Variants in RCN3 observed in about 807,000 individuals in gnomAD.
The protein encoded by RCN3 is reticulocalbin 3.
In RCN3, 41 loss-of-function variants were observed where a neutral mutation model predicts 35.9. The ratio of observed to expected loss-of-function variants is 1.14; its 90% CI spans 0.89 to 1.48. RCN3 has a LOEUF of 1.48. RCN3 is among the 40% of genes most tolerant of loss of function. The pLI is 0.00. For missense variants in RCN3, 451 were observed against 471.3 expected, an observed-to-expected ratio of 0.96 and a Z score of 0.40; for synonymous variants, 187 against 193.4, an observed-to-expected ratio of 0.97 and a Z score of 0.27.
chr19:49,534,289 C>T lies in RCN3; in HGVS notation c.339C>T (p.His113=), dbSNP rs537657708. The T allele has an allele frequency of 1.8e-5, 27 of 1,481,986 alleles. No individual in the cohort carries two copies. In the South Asian group the frequency reaches 3.1e-4, roughly 17 times the overall value. 91.8% of individuals were successfully genotyped at this position (1,481,986 alleles called of 1,614,324 possible). A position where few individuals can be genotyped will look rare whatever the true frequency, so the allele number is the denominator to read the frequency against. ...RAWIAHTQQR[H]IRDSVSAAWD... is the part of the protein sequence containing the mutation. ...GGATCGCGCACACGCAGCAGCGGCA[C>T]ATACGGGACTCGGTGAGCGCGGCCT... Residue 113 remains histidine (H), a synonymous_variant, in exon 3 of 7, where the codon CAC becomes CAT. Transcript: ENST00000270645.
In RCN3 at chr19:49,543,506, A is replaced by C; in HGVS notation, c.*293A>C. On this transcript the variant is annotated 3_prime_UTR_variant, in exon 7 of 7. Transcript: ENST00000270645. ...AAGCTCAGCTCTAAGAACCGCCCCA[A>C]CCCCTCCAGCTCCAAATCTGAGCCT... 7.2e-6 allele frequency: 3 copies of C among 417,782 alleles called. No homozygotes were observed. Among genetic ancestry groups the C allele is most frequent in the Non-Finnish European group, 1.3e-5 (3 of 224,974 alleles). The allele number at this position is 417,782 out of a possible 1,614,324, so 25.9% of individuals were successfully genotyped here. A position where few individuals can be genotyped will look rare whatever the true frequency, so the allele number is the denominator to read the frequency against.
intron 2 of RCN3, among the ~76,000 whole-genome samples, chr19:49,530,547 A>G (rs907519510): frequency 2.0e-4 from 27 of 133,480 alleles, no homozygotes; most frequent in Middle Eastern, 4.6e-3. Flanking sequence ...CCCAGGCTGG[A>G]GTGCAGTGGC....
chr19:49,538,674 A>G (rs1385881825), intron 4 of RCN3, among the ~76,000 whole-genome samples: 1 of 152,176 alleles, frequency 6.6e-6, no homozygotes, highest in African/African-American at 2.4e-5. Context: ...TTGCTCCAGA[A>G]GGGCACAAAA....
chr19:49,539,964 C>T (rs1288265492), intron 5 of RCN3, among the ~76,000 whole-genome samples: 1 of 152,102 alleles, frequency 6.6e-6, no homozygotes, highest in African/African-American at 2.4e-5. Flanking sequence ...CTCAGGTGAT[C>T]TGCTCATCTT....
At chr19:49,542,158 A>T (rs2122742676) in intron 5 of RCN3, among the ~76,000 whole-genome samples, 2 of 152,092 alleles carry the variant, frequency 1.3e-5, no homozygotes, top group South Asian at 4.2e-4. Flanking sequence ...TGGGTCTCCC[A>T]AAGTGTTGGA....
Position 49,543,490 on chromosome 19 carries a change from T to C in RCN3, c.*277T>C. 2.1e-6 allele frequency: 1 copy of C among 472,130 alleles called. No homozygotes were observed. The highest frequency in any genetic ancestry group is 3.9e-6 in the Non-Finnish European group (1 of 258,596). 29.2% of individuals were successfully genotyped at this position (472,130 alleles called of 1,614,324 possible). On this transcript the variant is annotated 3_prime_UTR_variant, in exon 7 of 7. Transcript: ENST00000270645. Reference sequence around the variant, plus strand: ...AGGGACCCTTGGCCCCAAGCTCAGCTCTAAGAACCGCCCCAACCCCTCCAG... The same window carrying C: ...AGGGACCCTTGGCCCCAAGCTCAGCCCTAAGAACCGCCCCAACCCCTCCAG...
intron 1 of RCN3, 157 bp downstream of exon 1, chr19:49,528,215 G>A (rs1312526679): frequency 2.3e-6 from 1 of 426,548 alleles, no homozygotes; most frequent in Non-Finnish European, 4.1e-6. Flanking sequence ...GTCTGTCTCT[G>A]TAATTCCCCC....
intron 3 of RCN3, among the ~76,000 whole-genome samples, chr19:49,536,007 A>T (rs1423840110): frequency 3.5e-5 from 5 of 143,736 alleles, no homozygotes; most frequent in Middle Eastern, 7.4e-3. Flanking sequence ...TTTTTTTGTG[A>T]GGGAGTTTTG....
chr19:49,539,206 G>T lies in RCN3; in HGVS notation c.679+27G>T, dbSNP rs200704751. 249 of 1,590,374 alleles carry T rather than the reference G, an allele frequency of 1.6e-4. No homozygotes were observed. The highest frequency in any genetic ancestry group is 1.6e-4 in the Non-Finnish European group (181 of 1,164,206). ...TGAGTGGGCCCCAATTTCTTCTTGG[G>T]ATGCCTGTCCTCTCTCAGGCATGGG... On this transcript the variant is annotated intron_variant, in intron 5 of 6. Coordinates refer to ENST00000270645, the MANE Select transcript of RCN3 (RefSeq NM_020650.3).
chr19:49,528,306 C>T (rs1308786408), intron 1 of RCN3, 161 bp from the exon 2 acceptor site: 6 of 619,608 alleles, frequency 9.7e-6, no homozygotes, highest in Admixed American at 3.1e-5. Flanking sequence ...AGCATCCCGC[C>T]CTCTTTTCCC....
chr19:49,530,416 C>T (rs1047809542), intron 2 of RCN3, among the ~76,000 whole-genome samples: 3 of 151,610 alleles, frequency 2.0e-5, no homozygotes, highest in African/African-American at 7.3e-5. Flanking sequence ...GGCAATCCGC[C>T]CGCCTTGGCC....
rs1293229982 is a variant in RCN3, at chr19:49,531,379, A to C, written c.242+2665A>C. ...TGCAATCCCAGCACTTTGGGAGTCC[A>C]AAGCGGGCGGATTGCCTGAGACCAT... On this transcript the variant is annotated intron_variant, in intron 2 of 6. Coordinates refer to ENST00000270645, the MANE Select transcript of RCN3 (RefSeq NM_020650.3). Among the ~76,000 whole-genome samples, 5 of 152,324 alleles carry C rather than the reference A, an allele frequency of 3.3e-5. No homozygotes were observed. The East Asian group carries it at 9.7e-4, about 29-fold the overall frequency.
At chr19:49,532,100 C>CTTTTTTTTT (rs925920521) in intron 2 of RCN3, among the ~76,000 whole-genome samples, 29 of 93,060 alleles carry the variant, frequency 3.1e-4, no homozygotes, top group African/African-American at 8.8e-4. Context: ...GGCGCCTGGC[C>CTTTTTTTTT]TTTTTTTTTT....
At position 49,539,250 on chromosome 19, in the gene RCN3, C is replaced by A; in HGVS notation, c.679+71C>A. On this transcript the variant is annotated intron_variant, in intron 5 of 6. Transcript: ENST00000270645. ...GCATGGGCAGGGTTGGTGGGGGTAG[C>A]CGGAGGTACATCACCCATCATCAGA... The A allele has an allele frequency of 4.0e-6, 5 of 1,252,632 alleles. No individual in the cohort carries two copies. In the South Asian group the frequency reaches 5.3e-5, roughly 13 times the overall value. 77.6% of individuals were successfully genotyped at this position (1,252,632 alleles called of 1,614,324 possible). A position where few individuals can be genotyped will look rare whatever the true frequency, so the allele number is the denominator to read the frequency against.
At chr19:49,534,659 C>CT (rs1202926274) in intron 3 of RCN3, among the ~76,000 whole-genome samples, 3 of 152,100 alleles carry the variant, frequency 2.0e-5, no homozygotes, top group Non-Finnish European at 4.4e-5. Flanking sequence ...CAATTAGGTG[C>CT]TAAAAGCCAC....
At position 49,542,518 on chromosome 19, in the gene RCN3, GC is replaced by G. The variant is rs1371004515; in HGVS notation, c.680-31del. On this transcript the variant is annotated intron_variant, in intron 5 of 6. Transcript: ENST00000270645. The stretch of plus-strand genomic sequence containing the variant: ...CCAGCTCCACTAGACCCCCAGAGCT[GC>G]CCCTGACCTTGTCCCCTCTGTCCCG... 5 of 1,516,382 alleles carry G rather than the reference GC, an allele frequency of 3.3e-6. No individual in the cohort carries two copies. The African/African-American group carries it at 5.5e-5, about 17-fold the overall frequency. The allele number at this position is 1,516,382 out of a possible 1,614,324, so 93.9% of individuals were successfully genotyped here.
chr19:49,534,413 G>A lies in RCN3; in HGVS notation c.445+18G>A. The A allele has an allele frequency of 2.6e-6, 4 of 1,536,510 alleles. No homozygotes were observed. The highest frequency in any genetic ancestry group is 3.5e-6 in the Non-Finnish European group (4 of 1,144,938). ...CGCGCCCGGTACGCGGCGAGCCCCC[G>A]ACCCTGCTCCCCATACACCGTGACC... On this transcript the variant is annotated intron_variant, in intron 3 of 6. Coordinates refer to ENST00000270645, the MANE Select transcript of RCN3 (RefSeq NM_020650.3).
chr19:49,539,085 C>A, intron 4 of RCN3, 34 bp from the exon 5 acceptor site: 1 of 1,530,452 alleles, frequency 6.5e-7, no homozygotes, highest in Non-Finnish European at 8.8e-7. Flanking sequence ...CCAGGGTCAT[C>A]GGCCCCCAGC....
chr19:49,534,148 TG>T lies in RCN3; in HGVS notation c.243-40del, dbSNP rs559377349. 119 of 1,441,632 alleles carry T rather than the reference TG, an allele frequency of 8.3e-5. No homozygotes were observed. In the South Asian group the frequency reaches 1.1e-3, roughly 13 times the overall value. The allele number at this position is 1,441,632 out of a possible 1,614,324, so 89.3% of individuals were successfully genotyped here. Reference sequence around the variant, plus strand: ...CGTGGCCCGTGCGAGGGGCGGGGCCTGGGGGCGGGACCAGAGCCTGACGTGT... The same window carrying T: ...CGTGGCCCGTGCGAGGGGCGGGGCCTGGGGCGGGACCAGAGCCTGACGTGT... On this transcript the variant is annotated intron_variant, in intron 2 of 6. Coordinates refer to ENST00000270645, the MANE Select transcript of RCN3 (RefSeq NM_020650.3).
Sources: allele counts gnomAD v4.1 joint callset (sites outside exome capture counted in the v4.1 genomes callset), GRCh38; gene constraint gnomAD v4.1.1; transcripts MANE v1.5; gene names NCBI Gene and HGNC (gene_info 2026-07-23, HGNC 2026-07-21).